Variants in OSER1 observed in about 807,000 individuals in gnomAD.
OSER1 encodes oxidative stress-responsive serine-rich protein 1.
A neutral mutation model predicts 26.3 loss-of-function variants in OSER1; 15 were observed. The observed-to-expected ratio is 0.57, with a 90% CI of 0.38 to 0.88. The LOEUF (loss-of-function observed/expected upper bound fraction) is 0.88, where lower values mean the gene tolerates loss of function less well. OSER1 is among the 40% of genes least tolerant of loss of function. The pLI, the probability that OSER1 is intolerant of heterozygous loss-of-function variation, is 0.00. For synonymous variants in OSER1, 127 were observed against 128.2 expected, an observed-to-expected ratio of 0.99 and a Z score of 0.07; for missense variants, 313 against 353.9, an observed-to-expected ratio of 0.88 and a Z score of 0.93.
Position 44,201,913 on chromosome 20 carries a change from T to C in OSER1, c.191+1048A>G, listed in dbSNP as rs137940103. 1.3e-3 allele frequency among the ~76,000 whole-genome samples: 195 copies of C among 152,154 alleles called. 3 individuals are homozygous for C. Among genetic ancestry groups the C allele is most frequent in the Admixed American group, 2.9e-3 (44 of 15,284 alleles). On this transcript the variant is annotated intron_variant, in intron 3 of 3. Transcript: ENST00000255174. ...ATAGAAAAAAGCAGGACAAATAAAG[T>C]AAAATGACAGAATCACTTCTGAAGA... is the stretch of plus-strand genomic sequence containing the variant.
Position 44,197,414 on chromosome 20 carries a change from G to A in OSER1, c.517C>T (p.Pro173Ser). 1.2e-6 allele frequency: 2 copies of A among 1,614,206 alleles called. No individual in the cohort carries two copies. The highest frequency in any genetic ancestry group is 1.7e-6 in the Non-Finnish European group (2 of 1,180,014). Residue 173 changes from proline to serine, a missense_variant, in exon 4 of 4, where the codon CCC becomes TCC. Pro to Ser is a moderately conservative substitution (Grantham distance 74). Around this residue, in one of 2 missense-constraint regions of OSER1, gnomAD observed 300 missense variants for 318.3 expected, o/e 0.94. Coordinates refer to ENST00000255174, the MANE Select transcript of OSER1 (RefSeq NM_016470.8). ...KEDSSDATQV[P>S]QASLKASDLS... is the part of the protein sequence containing the mutation. ...TCACTGGCTTTGAGACTTGCTTGGG[G>A]GACTTGGGTAGCGTCAGAGGAGTCT...
chr20:44,207,482 T>C (rs1244517987), intron 1 of OSER1: 1 of 152,510 alleles, frequency 6.6e-6, no homozygotes, highest in Admixed American at 6.5e-5. Context: ...CAGACAGCTA[T>C]GTTCACAGGA....
Position 44,196,965 on chromosome 20 carries a change from A to T in OSER1, c.*87T>A. ...AGTGAGCAGAAAGAGATGTCTTCTCACACAAAGTGGCCACAAGGTCTGCCA... is the reference window on the plus strand; with the variant it reads ...AGTGAGCAGAAAGAGATGTCTTCTCTCACAAAGTGGCCACAAGGTCTGCCA... On this transcript the variant is annotated 3_prime_UTR_variant, in exon 4 of 4. Coordinates refer to ENST00000255174, the MANE Select transcript of OSER1 (RefSeq NM_016470.8). The T allele has an allele frequency of 1.1e-6, 1 of 902,634 alleles. No homozygotes were observed. Among genetic ancestry groups the T allele is most frequent in the Non-Finnish European group, 1.8e-6 (1 of 569,124 alleles). 55.9% of individuals were successfully genotyped at this position (902,634 alleles called of 1,614,324 possible).
chr20:44,206,981 T>C lies in OSER1; in HGVS notation c.-24A>G, dbSNP rs2073044234. On this transcript the variant is annotated 5_prime_UTR_variant, in exon 2 of 4. Coordinates refer to ENST00000255174, the MANE Select transcript of OSER1 (RefSeq NM_016470.8). ...ATTGTGCAAGTTTTTACACTACTTATCGATGTTCCTGTTTACACTAAAAAA... is the reference window on the plus strand; with the variant it reads ...ATTGTGCAAGTTTTTACACTACTTACCGATGTTCCTGTTTACACTAAAAAA... The C allele has an allele frequency of 1.9e-6, 3 of 1,574,302 alleles. No homozygotes were observed. The highest frequency in any genetic ancestry group is 2.6e-6 in the Non-Finnish European group (3 of 1,145,490).
In OSER1 at chr20:44,202,983, C is replaced by A. The variant is rs1243393416; in HGVS notation, c.169G>T (p.Ala57Ser). The change falls in exon 3 of 4, where the codon GCA becomes TCA. Residue 57 changes from alanine (A) to serine (S), a missense_variant. Transcript: ENST00000255174. ...TDDTKPKTTC[A>S]SKDSWHGSTR... is the part of the protein sequence containing the mutation. Reference sequence around the variant, plus strand: ...TACCCGTGCCAACTGTCTTTAGATGCACATGTGGTTTTAGGTTTGGTATCA... The same window carrying A: ...TACCCGTGCCAACTGTCTTTAGATGAACATGTGGTTTTAGGTTTGGTATCA... The A allele has an allele frequency of 6.2e-7, 1 of 1,607,398 alleles. No homozygotes were observed. The highest frequency in any genetic ancestry group is 1.1e-5 in the South Asian group (1 of 90,920).
chr20:44,198,919 C>T (rs1381781081), intron 3 of OSER1, among the ~76,000 whole-genome samples: 3 of 152,222 alleles, frequency 2.0e-5, no homozygotes, highest in Non-Finnish European at 4.4e-5. Context: ...CCTGCTCCGT[C>T]CCACCTGGGA....
intron 3 of OSER1, among the ~76,000 whole-genome samples, chr20:44,202,521 C>A (rs976913165): frequency 6.6e-6 from 1 of 152,104 alleles, no homozygotes; most frequent in Non-Finnish European, 1.5e-5. Context: ...ACATTCTAAA[C>A]CTATGCTATA....
At position 44,197,231 on chromosome 20, in the gene OSER1, G is replaced by C. The variant is rs2072927683; in HGVS notation, c.700C>G (p.Leu234Val). 1.9e-6 allele frequency: 3 copies of C among 1,614,216 alleles called. No homozygotes were observed. The highest frequency in any genetic ancestry group is 1.7e-5 in the Admixed American group (1 of 60,026). Residue 234 changes from leucine to valine, a missense_variant, in exon 4 of 4, where the codon CTT (leucine) becomes GTT (valine). Leu to Val is a conservative substitution (Grantham distance 32). Transcript: ENST00000255174. ...TGCAGCGACTGAGAGTAGTCCTCAA[G>C]TGTGGATCTTCGTTCTGGAGCCAAG... ...PPLAPERRSTLEDYSQSLHAR... is the reference protein window; with the variant it reads ...PPLAPERRSTVEDYSQSLHAR...
chr20:44,208,399 C>T (rs2073060544), intron 1 of OSER1, among the ~76,000 whole-genome samples: 1 of 141,616 alleles, frequency 7.1e-6, no homozygotes, highest in African/African-American at 2.8e-5. Context: ...ACACTGAAAA[C>T]AGTCTCAAAA....
In OSER1 at chr20:44,197,362, T is replaced by C. The variant is rs775994069; in HGVS notation, c.569A>G (p.Lys190Arg). 5 of 1,614,116 alleles carry C rather than the reference T, an allele frequency of 3.1e-6. No individual in the cohort carries two copies. The Admixed American group carries it at 8.3e-5, about 27-fold the overall frequency. Residue 190 changes from lysine (K) to arginine (R), a missense_variant, in exon 4 of 4, where the codon AAG becomes AGG. This residue lies in a region of OSER1 where 300 missense variants were observed against 318.3 expected (regional missense o/e 0.94). Transcript: ENST00000255174. ...SDLSDFQSVS[K>R]LNQGKPCTCI... ...TGTGCATGGCTTGCCCTGGTTTAGCTTGGAAACTGATTGAAAGTCAGAGAG... is the reference window on the plus strand; with the variant it reads ...TGTGCATGGCTTGCCCTGGTTTAGCCTGGAAACTGATTGAAAGTCAGAGAG...
chr20:44,206,751 C>T (rs2073041774), intron 2 of OSER1, 130 bp downstream of exon 2: 3 of 537,166 alleles, frequency 5.6e-6, no homozygotes, highest in African/African-American at 3.8e-5. Flanking sequence ...GGAAGAATGT[C>T]GCACTATTAG....
chr20:44,207,400 TTGTC>T (rs2073048802), intron 1 of OSER1: 1 of 159,754 alleles, frequency 6.3e-6, no homozygotes, highest in African/African-American at 2.4e-5. Context: ...CACTGAGTAT[TTGTC>T]TGGCCTAACC....
intron 2 of OSER1, among the ~76,000 whole-genome samples, chr20:44,205,064 A>G (rs1211713885): frequency 6.6e-6 from 1 of 152,060 alleles, no homozygotes; most frequent in East Asian, 1.9e-4. Flanking sequence ...CAAACTCCTG[A>G]GCTCAAGTGA....
chr20:44,205,726 G>A (rs982150413), intron 2 of OSER1, among the ~76,000 whole-genome samples: 7 of 151,938 alleles, frequency 4.6e-5, no homozygotes, highest in Non-Finnish European at 1.0e-4. Flanking sequence ...GGATCACCAG[G>A]TCAGGAGATC....
Position 44,197,186 on chromosome 20 carries a change from A to G in OSER1, c.745T>C (p.Ser249Pro). The G allele has an allele frequency of 6.2e-7, 1 of 1,614,116 alleles. No individual in the cohort carries two copies. Among genetic ancestry groups the G allele is most frequent in the Non-Finnish European group, 8.5e-7 (1 of 1,179,914 alleles). The change falls in exon 4 of 4, where the codon TCT becomes CCT. Residue 249 changes from serine to proline, a missense_variant. Physicochemically the swap from Ser to Pro is moderately conservative, Grantham distance 74. Coordinates refer to ENST00000255174, the MANE Select transcript of OSER1 (RefSeq NM_016470.8). ...QSLHARTLSG[S>P]PRSCSEQARV... is the part of the protein sequence containing the mutation. ...GCTTGCTCAGAACAGGATCGGGGAG[A>G]GCCAGACAGAGTTCTGGCGTGCAGC...
chr20:44,210,044 C>A (rs925126934), intron 1 of OSER1: 1 of 152,302 alleles, frequency 6.6e-6, no homozygotes, highest in Non-Finnish European at 1.5e-5. Context: ...CCTTTATACT[C>A]GCAGCGCTGC....
intron 3 of OSER1, among the ~76,000 whole-genome samples, chr20:44,202,561 T>TA (rs1237157346): frequency 6.6e-6 from 1 of 151,868 alleles, no homozygotes; most frequent in East Asian, 1.9e-4. Context: ...TCAAGATACA[T>TA]AAAGCAAAAA....
At chr20:44,200,753 A>C (rs1398313636) in intron 3 of OSER1, among the ~76,000 whole-genome samples, 1 of 152,244 alleles carries the variant, frequency 6.6e-6, no homozygotes, top group South Asian at 2.1e-4. Context: ...AGAAATCCAC[A>C]TAAGAGACAC....
At chr20:44,206,604 A>C (rs942607417) in intron 2 of OSER1, among the ~76,000 whole-genome samples, 4 of 152,112 alleles carry the variant, frequency 2.6e-5, no homozygotes, top group Non-Finnish European at 5.9e-5. Context: ...ATCTTTGATT[A>C]AAAAGAAGTG....
Sources: gnomAD v4.1 joint callset for allele counts (sites outside exome capture counted in the v4.1 genomes callset) on GRCh38, gnomAD v4.1.1 for gene constraint, gnomAD v4.1.1 regional missense constraint, MANE v1.5 for transcripts, NCBI Gene and HGNC (gene_info 2026-07-23, HGNC 2026-07-21) for gene names.